The following DNAH8 variants were observed in gnomAD, a reference collection of about 807,000 sequenced individuals.
DNAH8 encodes axonemal beta dynein heavy chain 8.
A neutral mutation model predicts 562.1 loss-of-function variants in DNAH8; 382 were observed. The ratio of observed to expected loss-of-function variants is 0.68; its 90% confidence interval spans 0.63 to 0.74. The LOEUF (loss-of-function observed/expected upper bound fraction) is 0.74. Among genes scored for constraint, DNAH8 ranks in the 30% least tolerant of loss-of-function variants. DNAH8 has a pLI of 0.00. For missense variants in DNAH8, 5,203 were observed against 5,620.4 expected (o/e 0.93, Z 2.37); for synonymous variants, 1,881 against 1,919.4 (o/e 0.98, Z 0.52).
intron 15 of DNAH8, 69 bp from the exon 16 acceptor site, chr6:38,781,185 A>G: frequency 1.3e-6 from 2 of 1,511,082 alleles, no homozygotes; most frequent in South Asian, 2.3e-5. Context: ...ATACAAATAT[A>G]GCTGTATATA....
chr6:38,781,737 A>G (rs1255752442), intron 16 of DNAH8, among the ~76,000 whole-genome samples: 1 of 152,206 alleles, frequency 6.6e-6, no homozygotes, highest in East Asian at 1.9e-4. Flanking sequence ...GGTCACTGAT[A>G]CATACTCAGT....
chr6:39,010,219 T>G (rs1014379894), intron 89 of DNAH8, among the ~76,000 whole-genome samples: 1 of 152,160 alleles, frequency 6.6e-6, no homozygotes, highest in African/African-American at 2.4e-5. Flanking sequence ...ATCTAAAACT[T>G]GTCCCTGTTC....
intron 91 of DNAH8, among the ~76,000 whole-genome samples, chr6:39,019,694 G>A (rs2150786672): frequency 6.6e-6 from 1 of 152,306 alleles, no homozygotes; most frequent in East Asian, 1.9e-4. Context: ...AAGGGATGGA[G>A]TTGAGAAGAA....
intron 86 of DNAH8, among the ~76,000 whole-genome samples, chr6:38,983,133 A>G (rs1177849568): frequency 6.6e-6 from 1 of 152,204 alleles, no homozygotes; most frequent in Non-Finnish European, 1.5e-5. Flanking sequence ...TGTTTTTTCT[A>G]TAATCTTTGG....
intron 82 of DNAH8, among the ~76,000 whole-genome samples, chr6:38,958,414 G>GAAAAA (rs35615279): frequency 4.6e-5 from 6 of 131,036 alleles, no homozygotes; most frequent in Non-Finnish European, 8.0e-5. Flanking sequence ...GATATGACTG[G>GAAAAA]AAAAAAAAAA....
chr6:38,829,942 C>T (rs1029503806), intron 30 of DNAH8, among the ~76,000 whole-genome samples: 1 of 152,188 alleles, frequency 6.6e-6, no homozygotes, highest in Non-Finnish European at 1.5e-5. Context: ...CCTGTTCACT[C>T]TGCTGATTGT....
rs1437741186 is a variant in DNAH8, at chr6:38,896,039, A to G, written c.8754A>G (p.Ile2918Met). Residue 2918 changes from isoleucine (I) to methionine (M), a missense_variant, in exon 60 of 93, where the codon ATA (isoleucine) becomes ATG (methionine). Physicochemically the swap from Ile to Met is conservative, Grantham distance 10 (BLOSUM62 1). This residue lies in a region of DNAH8 where 977 missense variants were observed against 1,061.8 expected (regional missense o/e 0.92). Transcript: ENST00000327475. ...ECSRVIADRF[I>M]TPEDEQWFNA... The stretch of plus-strand genomic sequence containing the variant: ...TACTACATTTTCCTTTCAGATTTAT[A>G]ACTCCTGAAGATGAGCAGTGGTTTA... The G allele has an allele frequency of 6.2e-7, 1 of 1,608,746 alleles. No individual in the cohort carries two copies. Among genetic ancestry groups the G allele is most frequent in the East Asian group, 2.2e-5 (1 of 44,840 alleles).
chr6:38,835,318 C>A (rs371710343), intron 32 of DNAH8, among the ~76,000 whole-genome samples: 217 of 134,122 alleles, frequency 1.6e-3, no homozygotes, highest in African/African-American at 1.6e-3. Context: ...TCTTAGTAAT[C>A]AAAAAAAAAA....
intron 73 of DNAH8, 40 bp downstream of exon 73, chr6:38,924,202 C>T: frequency 6.3e-7 from 1 of 1,597,872 alleles, no homozygotes; most frequent in Admixed American, 1.7e-5. Context: ...ATTTCAGTCT[C>T]ATTTTATTTC....
At chr6:38,784,197 C>G (rs890208943) in intron 17 of DNAH8, among the ~76,000 whole-genome samples, 16 of 152,146 alleles carry the variant, frequency 1.1e-4, no homozygotes, top group Non-Finnish European at 2.2e-4. Context: ...TATGGTAGGA[C>G]CCTGTGGACT....
chr6:38,758,493 C>T lies in DNAH8; in HGVS notation c.1515+2414C>T, dbSNP rs934110067. Among the ~76,000 whole-genome samples the T allele has an allele frequency of 2.4e-4, 36 of 152,152 alleles. 1 individual carries two copies. Among genetic ancestry groups the T allele is most frequent in the Admixed American group, 2.2e-3 (33 of 15,264 alleles). On this transcript the variant is annotated intron_variant, in intron 10 of 92. Transcript: ENST00000327475. ...CTGCAAACAGGGACAATTTGACTTC[C>T]TCTTTTCCTAATTGAATGCCCTTTA...
chr6:38,862,635 T>C (rs1776723143), intron 44 of DNAH8, among the ~76,000 whole-genome samples, 177 bp downstream of exon 44: 1 of 152,186 alleles, frequency 6.6e-6, no homozygotes, highest in Non-Finnish European at 1.5e-5. Context: ...AACAGTTTCA[T>C]ATGGTTCAAT....
intron 24 of DNAH8, 63 bp downstream of exon 24, chr6:38,807,779 A>T: frequency 1.3e-6 from 1 of 790,650 alleles, no homozygotes; most frequent in Non-Finnish European, 1.8e-6. Flanking sequence ...AGCACCTCTT[A>T]TAAATTTATT....
chr6:38,970,752 G>A (rs201726300), intron 82 of DNAH8, among the ~76,000 whole-genome samples: 9,662 of 152,212 alleles, frequency 0.063, 401 homozygotes, highest in Non-Finnish European at 0.087. Context: ...TCCTTGTACA[G>A]GGATTATGCC....
intron 26 of DNAH8, among the ~76,000 whole-genome samples, chr6:38,817,013 A>G (rs925105045): frequency 2.6e-5 from 4 of 152,092 alleles, no homozygotes; most frequent in Admixed American, 6.5e-5. Flanking sequence ...TGTCACTTCC[A>G]CTGTGATGCA....
intron 74 of DNAH8, among the ~76,000 whole-genome samples, chr6:38,927,017 A>G (rs1782175844): frequency 6.6e-6 from 1 of 152,182 alleles, no homozygotes; most frequent in South Asian, 2.1e-4. Context: ...TTTCTATTGT[A>G]CCATGAACTC....
At chr6:38,724,675 A>G (rs2127567325) in intron 3 of DNAH8, among the ~76,000 whole-genome samples, 1 of 152,324 alleles carries the variant, frequency 6.6e-6, no homozygotes, top group South Asian at 2.1e-4. Context: ...CACCCTAATT[A>G]TAGTAATGTA....
rs1783212089 is a variant in DNAH8, at chr6:38,938,963, CAGAG to C, written c.11985_11988del (p.Arg3995SerfsTer14). 1 of 1,613,300 alleles carries C rather than the reference CAGAG, an allele frequency of 6.2e-7. No homozygotes were observed. Among genetic ancestry groups the C allele is most frequent in the African/African-American group, 1.3e-5 (1 of 74,884 alleles). On this transcript the variant is annotated frameshift_variant, in exon 79 of 93. Coordinates refer to ENST00000327475, the MANE Select transcript of DNAH8 (RefSeq NM_001206927.2). LOFTEE classifies it high-confidence loss of function. ...ACCTTCAGAGAGGGACAGTTAAGCA[CAGAG>C]AGTTTCAAGCTCTCATTAAAGGTAA...
intron 87 of DNAH8, among the ~76,000 whole-genome samples, chr6:38,985,157 A>G (rs1384038984): frequency 6.6e-6 from 1 of 152,250 alleles, no homozygotes; most frequent in East Asian, 1.9e-4. Flanking sequence ...ATCCACATAT[A>G]ACATGCTGAT....
Sources: gnomAD v4.1 joint callset for allele counts (sites outside exome capture counted in the v4.1 genomes callset) on GRCh38, gnomAD v4.1.1 for gene constraint, gnomAD v4.1.1 regional missense constraint, MANE v1.5 for transcripts, NCBI Gene and HGNC (gene_info 2026-07-23, HGNC 2026-07-21) for gene names.